The following SRGAP3 variants were observed in gnomAD, a reference collection of about 807,000 sequenced individuals.
The protein encoded by SRGAP3 is SLIT-ROBO Rho GTPase activating protein 3.
Under a neutral mutation model 121.1 loss-of-function variants are expected in SRGAP3, and 39 were observed. That is an observed-to-expected ratio of 0.32 (90% CI 0.25 to 0.42). The LOEUF (loss-of-function observed/expected upper bound fraction) is 0.42. Among genes scored for constraint, SRGAP3 ranks in the 10% least tolerant of loss-of-function variants. The pLI is 1.00. For missense variants in SRGAP3, 1,213 were observed against 1,470.6 expected (o/e 0.82, Z 2.86); for synonymous variants, 601 against 570.0 (o/e 1.05, Z -0.77).
intron 12 of SRGAP3, 107 bp from the exon 13 acceptor site, chr3:9,027,102 G>A: frequency 9.9e-7 from 1 of 1,011,074 alleles, no homozygotes; most frequent in Non-Finnish European, 1.6e-6. Flanking sequence ...AGTACCATCA[G>A]ATTAGTAGGA....
chr3:9,307,894 C>T (rs1955183536), intron 3 of SRGAP3, among the ~76,000 whole-genome samples: 1 of 152,256 alleles, frequency 6.6e-6, no homozygotes, highest in African/African-American at 2.4e-5. Context: ...GCAGCTCACA[C>T]CTGTAATCCC....
At chr3:9,356,432 G>A (rs1162753939) in intron 1 of SRGAP3, among the ~76,000 whole-genome samples, 1 of 134,762 alleles carries the variant, frequency 7.4e-6, no homozygotes, top group Non-Finnish European at 1.5e-5. Flanking sequence ...GAGTGCAGTG[G>A]CGCAAACTGG....
At chr3:9,229,818 A>C (rs187138971) in intron 1 of SRGAP3, among the ~76,000 whole-genome samples, 2 of 152,328 alleles carry the variant, frequency 1.3e-5, no homozygotes, top group East Asian at 3.9e-4. Context: ...TCGCATTTTT[A>C]GAGTCAATTC....
chr3:9,131,988 G>A (rs975352206), intron 1 of SRGAP3, among the ~76,000 whole-genome samples: 9 of 152,150 alleles, frequency 5.9e-5, no homozygotes, highest in Admixed American at 5.2e-4. Context: ...AACAGCCCGT[G>A]TGACCCACCG....
chr3:9,177,432 G>A (rs188989857), intron 1 of SRGAP3, among the ~76,000 whole-genome samples: 2 of 152,340 alleles, frequency 1.3e-5, no homozygotes, highest in Admixed American at 1.3e-4. Flanking sequence ...CAGCGAGGAG[G>A]CCGGTGGAAC....
At chr3:9,145,544 T>C (rs1367903106) in intron 1 of SRGAP3, among the ~76,000 whole-genome samples, 1 of 152,224 alleles carries the variant, frequency 6.6e-6, no homozygotes, top group Admixed American at 6.5e-5. Flanking sequence ...CAATCATTCA[T>C]TTACAGATTC....
chr3:8,988,205 A>G lies in SRGAP3; in HGVS notation c.2887-2273T>C, dbSNP rs912637619. ...GTGATTGCTTTTCATCTCCTCCCCA[A>G]TTCGATCTTCCCACTTTGGATGGTC... On this transcript the variant is annotated intron_variant, in intron 21 of 21. Transcript: ENST00000383836. Among the ~76,000 whole-genome samples, 10 of 152,276 alleles carry G rather than the reference A, an allele frequency of 6.6e-5. No individual in the cohort carries two copies. The South Asian group carries it at 1.0e-3, about 16-fold the overall frequency.
intron 1 of SRGAP3, among the ~76,000 whole-genome samples, chr3:9,176,987 TG>T (rs1347939560): frequency 1.3e-5 from 2 of 152,224 alleles, no homozygotes; most frequent in African/African-American, 4.8e-5. Context: ...AGAGCTGGCC[TG>T]GGAGGTCCTC....
At position 9,027,181 on chromosome 3, in the gene SRGAP3, G is replaced by A. The variant is rs552854551; in HGVS notation, c.1540-186C>T. On this transcript the variant is annotated intron_variant, in intron 12 of 21. Transcript: ENST00000383836. ...TACAATAGAGAGTCTTCAACTGTATGCACAAAAAGGCATAGCTATGATTAT... is the reference window on the plus strand; with the variant it reads ...TACAATAGAGAGTCTTCAACTGTATACACAAAAAGGCATAGCTATGATTAT... Among the ~76,000 whole-genome samples the A allele has an allele frequency of 6.6e-5, 10 of 152,278 alleles. No homozygotes were observed. The South Asian group carries it at 2.1e-3, about 32-fold the overall frequency.
intron 1 of SRGAP3, among the ~76,000 whole-genome samples, chr3:9,342,552 G>A (rs1309493000): frequency 1.3e-5 from 2 of 152,172 alleles, no homozygotes; most frequent in African/African-American, 4.8e-5. Flanking sequence ...TTTCTTCCCT[G>A]ATATTCTCTC....
At chr3:9,288,138 T>TTTG (rs1298533967) in intron 3 of SRGAP3, among the ~76,000 whole-genome samples, 2 of 150,688 alleles carry the variant, frequency 1.3e-5, no homozygotes, top group East Asian at 1.9e-4. Context: ...TTGTTTTTTT[T>TTTG]TTTTTTTTTT....
chr3:9,025,437 C>G, intron 13 of SRGAP3, 99 bp from the exon 14 acceptor site: 1 of 1,262,392 alleles, frequency 7.9e-7, no homozygotes, highest in Non-Finnish European at 1.1e-6. Flanking sequence ...TTGCTTGTCT[C>G]TTTCTCCCCC....
At position 9,141,785 on chromosome 3, in the gene SRGAP3, T is replaced by C. The variant is rs143727336; in HGVS notation, c.68-16868A>G. On this transcript the variant is annotated intron_variant, in intron 1 of 21. Transcript: ENST00000383836. ...CCTTTCGGTCATCACTATCAATTCC[T>C]GTTGTCAGCTGGTCAAGTTTCCAAA... 1.2e-3 allele frequency among the ~76,000 whole-genome samples: 187 copies of C among 152,298 alleles called. 3 individuals carry two copies. In the East Asian group the frequency reaches 0.033, roughly 27 times the overall value.
chr3:9,022,763 ACCAGG>A (rs1296051837), intron 14 of SRGAP3, among the ~76,000 whole-genome samples: 1 of 152,238 alleles, frequency 6.6e-6, no homozygotes, highest in East Asian at 1.9e-4. Context: ...GAGCAGAAGG[ACCAGG>A]CTGGCGAGAG....
At chr3:9,251,553 G>T (rs372628329), upstream of SRGAP3, among the ~76,000 whole-genome samples, 1 of 152,160 alleles carries the variant, frequency 6.6e-6, no homozygotes, top group Non-Finnish European at 1.5e-5. Flanking sequence ...GCTCTGCCAC[G>T]AGCCTTGAGC....
chr3:9,311,991 G>A (rs566244340), intron 3 of SRGAP3, among the ~76,000 whole-genome samples: 1 of 152,246 alleles, frequency 6.6e-6, no homozygotes, highest in South Asian at 2.1e-4. Flanking sequence ...GAGTTCAGCT[G>A]GACTAGTAAA....
At chr3:9,039,340 C>T (rs933192895) in intron 10 of SRGAP3, among the ~76,000 whole-genome samples, 2 of 152,132 alleles carry the variant, frequency 1.3e-5, no homozygotes, top group Non-Finnish European at 1.5e-5. Flanking sequence ...AGGACACAGA[C>T]CCAGGGCTGC....
At chr3:9,171,988 C>G (rs906101577) in intron 1 of SRGAP3, among the ~76,000 whole-genome samples, 1 of 152,032 alleles carries the variant, frequency 6.6e-6, no homozygotes, top group East Asian at 1.9e-4. Context: ...TCTCTGGATT[C>G]ATGCTCCCAT....
At position 9,124,736 on chromosome 3, in the gene SRGAP3, C is replaced by T. The variant is rs1011711508; in HGVS notation, c.249G>A (p.Glu83=). The T allele has an allele frequency of 1.9e-6, 3 of 1,613,994 alleles. No homozygotes were observed. The highest frequency in any genetic ancestry group is 1.1e-5 in the South Asian group (1 of 91,088). The change falls in exon 2 of 22, where the codon GAG becomes GAA. Residue 83 remains glutamate, a synonymous_variant. Coordinates refer to ENST00000383836, the MANE Select transcript of SRGAP3 (RefSeq NM_014850.4). ...ACCCAACTTCTTACTTGAACTGGTGCTCCCGGGAGCTGCGGATTTTGGAGG... is the reference window on the plus strand; with the variant it reads ...ACCCAACTTCTTACTTGAACTGGTGTTCCCGGGAGCTGCGGATTTTGGAGG... ...RFSSKIRSSR[E]HQFKKDQYLL...
Sources: gnomAD v4.1 joint callset for allele counts (sites outside exome capture counted in the v4.1 genomes callset) on GRCh38, gnomAD v4.1.1 for gene constraint, MANE v1.5 for transcripts, NCBI Gene and HGNC (gene_info 2026-07-23, HGNC 2026-07-21) for gene names.